Variants in PDE3A observed in about 807,000 individuals in gnomAD.
PDE3A encodes the protein cGMP-inhibited 3',5'-cyclic phosphodiesterase 3A.
A neutral mutation model predicts 98.3 loss-of-function variants in PDE3A; 43 were observed. That is an observed-to-expected ratio of 0.44 (90% confidence interval 0.34 to 0.56). The LOEUF is 0.56. PDE3A is among the 20% of genes least tolerant of loss of function. The pLI is 0.01. For synonymous variants in PDE3A, 663 were observed against 567.9 expected (o/e 1.17, Z -2.38); for missense variants, 1,427 against 1,440.7 (o/e 0.99, Z 0.15).
chr12:20,479,524 C>A (rs1423303934), intron 1 of PDE3A, among the ~76,000 whole-genome samples: 1 of 152,194 alleles, frequency 6.6e-6, no homozygotes, highest in Non-Finnish European at 1.5e-5. Flanking sequence ...AACTGAAGAA[C>A]TGTCCCTATC....
intron 1 of PDE3A, among the ~76,000 whole-genome samples, chr12:20,459,607 T>G (rs1945213525): frequency 6.6e-6 from 1 of 152,178 alleles, no homozygotes; most frequent in Non-Finnish European, 1.5e-5. Context: ...GTAGAGCATG[T>G]TCTTCATATT....
chr12:20,592,153 C>A (rs921396877), intron 2 of PDE3A, among the ~76,000 whole-genome samples: 1 of 152,048 alleles, frequency 6.6e-6, no homozygotes, highest in African/African-American at 2.4e-5. Flanking sequence ...TGATAAATTG[C>A]ATCTGTTTAA....
chr12:20,377,559 A>G (rs922913098), intron 1 of PDE3A, among the ~76,000 whole-genome samples: 1 of 151,750 alleles, frequency 6.6e-6, no homozygotes. Context: ...GTAATATTTG[A>G]GATACTAATG....
rs150253039 is a variant in PDE3A at position 20,613,476 on chromosome 12, G to A, written c.1045G>A (p.Val349Ile). ...AACCAGTATTACTGTGGACATCGCC[G>A]TCATGGGCGAGGCCCACGGCCTCAT... Reference protein sequence around the residue: ...SGTSITVDIAVMGEAHGLITD... With the variant: ...SGTSITVDIAIMGEAHGLITD... The change falls in exon 3 of 16, where the codon GTC becomes ATC. Residue 349 changes from valine (V) to isoleucine (I), a missense_variant. Physicochemically the swap from Val to Ile is conservative, Grantham distance 29. Around this residue, in one of 3 missense-constraint regions of PDE3A, gnomAD observed 1,012 missense variants for 886.5 expected, o/e 1.14. Transcript: ENST00000359062. The A allele has an allele frequency of 1.8e-4, 284 of 1,613,960 alleles. 2 individuals carry two copies. The African/African-American group carries it at 2.1e-3, about 12-fold the overall frequency.
At chr12:20,611,774 T>G in intron 2 of PDE3A, among the ~76,000 whole-genome samples, 1 of 151,880 alleles carries the variant, frequency 6.6e-6, no homozygotes, top group East Asian at 1.9e-4. Flanking sequence ...ATAATATATA[T>G]TCACTTTTTC....
intron 1 of PDE3A, among the ~76,000 whole-genome samples, chr12:20,545,626 A>G (rs1188787148): frequency 2.0e-5 from 3 of 152,104 alleles, no homozygotes; most frequent in Admixed American, 1.3e-4. Flanking sequence ...AAGGTTTACG[A>G]GGAATACAGG....
chr12:20,645,273 C>G (rs1320341779), intron 10 of PDE3A, among the ~76,000 whole-genome samples: 1 of 152,034 alleles, frequency 6.6e-6, no homozygotes, highest in Non-Finnish European at 1.5e-5. Context: ...GGGTGTTTAC[C>G]TAAGATTTAG....
At chr12:20,414,151 T>G (rs1944381350) in intron 1 of PDE3A, among the ~76,000 whole-genome samples, 1 of 152,188 alleles carries the variant, frequency 6.6e-6, no homozygotes, top group Admixed American at 6.5e-5. Context: ...AGTGTAATAT[T>G]TATGTATACG....
intron 1 of PDE3A, among the ~76,000 whole-genome samples, chr12:20,409,412 A>T (rs1464748987): frequency 6.6e-6 from 1 of 152,166 alleles, no homozygotes; most frequent in African/African-American, 2.4e-5. Context: ...TTATTTAAAG[A>T]TGAACTAAGT....
chr12:20,612,436 T>C (rs1041995971), intron 2 of PDE3A, among the ~76,000 whole-genome samples: 2 of 151,400 alleles, frequency 1.3e-5, no homozygotes, highest in Non-Finnish European at 3.0e-5. Flanking sequence ...GTAGAAGTTT[T>C]TATCTTCATT....
chr12:20,611,385 T>C (rs780303258), intron 2 of PDE3A, among the ~76,000 whole-genome samples: 4 of 151,742 alleles, frequency 2.6e-5, no homozygotes, highest in Non-Finnish European at 5.9e-5. Context: ...TAATTACAGA[T>C]ATATTTAAGC....
chr12:20,427,311 AT>A (rs1221701662), intron 1 of PDE3A, among the ~76,000 whole-genome samples: 2 of 152,318 alleles, frequency 1.3e-5, no homozygotes, highest in African/African-American at 4.8e-5. Context: ...ATCATGGACA[AT>A]ACTTGAGATT....
At position 20,449,882 on chromosome 12, in the gene PDE3A, C is replaced by A. The variant is rs1187718207; in HGVS notation, c.960+79638C>A. 10 of 704,984 alleles carry A rather than the reference C, an allele frequency of 1.4e-5. No homozygotes were observed. The Admixed American group carries it at 2.1e-4, about 15-fold the overall frequency. The allele number at this position is 704,984 out of a possible 1,614,324, so 43.7% of individuals were successfully genotyped here. The stretch of plus-strand genomic sequence containing the variant: ...TTTAGTGGACATTTGGGTGACAGAT[C>A]TTTAAGTGTGCTCTTCGGTGGTTTG... On this transcript the variant is annotated intron_variant, in intron 1 of 15. Coordinates refer to ENST00000359062, the MANE Select transcript of PDE3A (RefSeq NM_000921.5).
chr12:20,480,318 A>G (rs926700666), intron 1 of PDE3A, among the ~76,000 whole-genome samples: 10 of 152,162 alleles, frequency 6.6e-5, no homozygotes, highest in African/African-American at 2.4e-4. Context: ...CAGGTTATAT[A>G]TTTTTTAGCT....
intron 1 of PDE3A, among the ~76,000 whole-genome samples, chr12:20,444,202 A>G (rs1467282086): frequency 2.6e-5 from 4 of 152,174 alleles, no homozygotes; most frequent in Non-Finnish European, 5.9e-5. Context: ...TCACTTACAG[A>G]GTACCTGTAG....
intron 1 of PDE3A, among the ~76,000 whole-genome samples, chr12:20,520,951 G>A (rs993633121): frequency 2.6e-5 from 4 of 152,218 alleles, no homozygotes; most frequent in African/African-American, 9.6e-5. Context: ...CTTGGCTCAT[G>A]AAACATCCTC....
chr12:20,547,327 T>C (rs2121239905), intron 1 of PDE3A, among the ~76,000 whole-genome samples: 1 of 152,286 alleles, frequency 6.6e-6, no homozygotes, highest in Middle Eastern at 3.4e-3. Context: ...TTTATCTTCT[T>C]CCTTCACTAA....
At chr12:20,581,837 C>G (rs971771144) in intron 2 of PDE3A, among the ~76,000 whole-genome samples, 1 of 151,942 alleles carries the variant, frequency 6.6e-6, no homozygotes, top group African/African-American at 2.4e-5. Flanking sequence ...TGGTCTCGAT[C>G]TCCTGACCTC....
At chr12:20,538,985 C>CT (rs1417489673) in intron 1 of PDE3A, among the ~76,000 whole-genome samples, 1 of 151,002 alleles carries the variant, frequency 6.6e-6, no homozygotes, top group Non-Finnish European at 1.5e-5. Flanking sequence ...ATCAGTTATT[C>CT]TTTTTAAAAA....
Sources: gnomAD v4.1 joint callset for allele counts (sites outside exome capture counted in the v4.1 genomes callset) on GRCh38, gnomAD v4.1.1 for gene constraint, gnomAD v4.1.1 regional missense constraint, MANE v1.5 for transcripts, NCBI Gene and HGNC (gene_info 2026-07-23, HGNC 2026-07-21) for gene names.